SOX6: variants seen among roughly 807,000 people sequenced by gnomAD.
The protein encoded by SOX6 is transcription factor SOX-6.
Under a neutral mutation model 97.8 loss-of-function variants are expected in SOX6, and 11 were observed. The observed-to-expected ratio is 0.11, with a 90% CI of 0.07 to 0.19. The LOEUF is 0.19. SOX6 is among the 10% of genes least tolerant of loss of function. SOX6 has a pLI of 1.00. For missense variants in SOX6, 810 were observed against 1,039.5 expected, an observed-to-expected ratio of 0.78 and a Z score of 3.04; for synonymous variants, 360 against 371.4, an observed-to-expected ratio of 0.97 and a Z score of 0.35.
intron 3 of SOX6, among the ~76,000 whole-genome samples, chr11:16,246,299 GAAATTAAATGTCATATATTTGCCTCCAGA>G (rs2134192502): frequency 6.6e-6 from 1 of 151,358 alleles, no homozygotes; most frequent in African/African-American, 2.4e-5. Flanking sequence ...TTAATCATTA[GAAATTAAATGTCATATATTTGCCTCCAGA>G]GTAACCATTT....
intron 1 of SOX6, among the ~76,000 whole-genome samples, chr11:16,418,328 G>T (rs867720615): frequency 6.6e-6 from 1 of 152,072 alleles, no homozygotes; most frequent in African/African-American, 2.4e-5. Flanking sequence ...ACTATAAAAA[G>T]GAAAACAGCC....
intron 1 of SOX6, chr11:16,476,289 AAAAGT>A (rs1860246463): frequency 6.6e-6 from 1 of 152,526 alleles, no homozygotes; most frequent in Non-Finnish European, 1.5e-5. Flanking sequence ...ACACAATGAG[AAAAGT>A]AAAGATAAAC....
chr11:16,213,814 T>A (rs1359077625), intron 4 of SOX6, among the ~76,000 whole-genome samples: 1 of 152,178 alleles, frequency 6.6e-6, no homozygotes, highest in African/African-American at 2.4e-5. Context: ...ACTAACTTCA[T>A]TTAATAGAAT....
At chr11:16,257,603 T>C (rs1417834340) in intron 3 of SOX6, among the ~76,000 whole-genome samples, 1 of 151,860 alleles carries the variant, frequency 6.6e-6, no homozygotes. Flanking sequence ...CTAAAAAATT[T>C]CTAGAGATAA....
intron 13 of SOX6, among the ~76,000 whole-genome samples, chr11:15,992,729 A>G (rs1313216072): frequency 1.3e-5 from 2 of 152,174 alleles, no homozygotes; most frequent in African/African-American, 4.8e-5. Flanking sequence ...TGCCCCACAA[A>G]TACATATTGA....
intron 1 of SOX6, among the ~76,000 whole-genome samples, chr11:16,443,483 G>A (rs1322594260): frequency 6.6e-6 from 1 of 152,088 alleles, no homozygotes; most frequent in Non-Finnish European, 1.5e-5. Flanking sequence ...CACAGTGCTA[G>A]GTCCTTGACA....
intron 1 of SOX6, among the ~76,000 whole-genome samples, chr11:16,367,849 G>C (rs1857397333): frequency 6.6e-6 from 1 of 152,084 alleles, no homozygotes; most frequent in African/African-American, 2.4e-5. Context: ...CATTATAAAA[G>C]TAACTTTCCT....
intron 6 of SOX6, among the ~76,000 whole-genome samples, chr11:16,131,190 T>C (rs1306567066): frequency 6.6e-6 from 1 of 150,940 alleles, no homozygotes; most frequent in Non-Finnish European, 1.5e-5. Flanking sequence ...AGAAAATATC[T>C]GCCAAAAAGA....
At chr11:16,668,236 G>A (rs975118916) in intron 3 of SOX6, among the ~76,000 whole-genome samples, 3 of 151,756 alleles carry the variant, frequency 2.0e-5, no homozygotes, top group Non-Finnish European at 4.4e-5. Flanking sequence ...TAGCCAGCAT[G>A]GGGGTGCATG....
In SOX6 at chr11:16,726,146, C is replaced by T. The variant is rs896262715; in HGVS notation, n.353+10193G>A. Reference sequence around the variant, plus strand: ...AGTGATGGCTGGGCATGGTGGTTCACGCCTATAATCCCAGTACTTTGGGAG... The same window carrying T: ...AGTGATGGCTGGGCATGGTGGTTCATGCCTATAATCCCAGTACTTTGGGAG... On this transcript the variant is annotated intron_variant and non_coding_transcript_variant, in intron 2 of 5. Coordinates refer to the SOX6 transcript ENST00000524520. Among the ~76,000 whole-genome samples the T allele has an allele frequency of 3.9e-5, 6 of 152,088 alleles. 1 individual carries two copies. The highest frequency in any genetic ancestry group is 1.4e-4 in the African/African-American group (6 of 41,438).
chr11:16,721,068 C>G (rs556588071), intron 2 of SOX6, among the ~76,000 whole-genome samples: 1 of 152,094 alleles, frequency 6.6e-6, no homozygotes. Flanking sequence ...AGGTGAAGGA[C>G]GCGAATGGGC....
intron 12 of SOX6, among the ~76,000 whole-genome samples, chr11:16,039,953 T>C (rs1168930566): frequency 1.3e-5 from 2 of 151,912 alleles, no homozygotes; most frequent in Non-Finnish European, 2.9e-5. Context: ...CTAGAAGAGA[T>C]TAGATCTAGA....
chr11:16,668,855 T>C (rs886660555), intron 3 of SOX6, among the ~76,000 whole-genome samples: 4 of 152,198 alleles, frequency 2.6e-5, no homozygotes, highest in East Asian at 1.9e-4. Context: ...ATTATAAATA[T>C]ATATGCACCA....
intron 3 of SOX6, among the ~76,000 whole-genome samples, chr11:16,698,603 A>G (rs1402757819): frequency 1.3e-5 from 2 of 152,224 alleles, no homozygotes; most frequent in African/African-American, 4.8e-5. Context: ...CTAGCTTTCA[A>G]CATGGCTTCT....
chr11:16,601,755 A>G (rs1286089136), intron 4 of SOX6, among the ~76,000 whole-genome samples: 1 of 152,164 alleles, frequency 6.6e-6, no homozygotes, highest in Non-Finnish European at 1.5e-5. Context: ...CAATTTCATC[A>G]GTGACCAATA....
intron 3 of SOX6, chr11:16,269,850 C>T (rs1049144468): frequency 1.3e-5 from 2 of 151,234 alleles, no homozygotes; most frequent in Non-Finnish European, 3.0e-5. Flanking sequence ...CCTAGGTATG[C>T]TATCACATCA....
intron 7 of SOX6, among the ~76,000 whole-genome samples, chr11:16,104,474 C>G (rs1849025202): frequency 6.7e-6 from 1 of 148,396 alleles, no homozygotes; most frequent in African/African-American, 2.6e-5. Context: ...ATGTGGAACT[C>G]TTGGAAAAGT....
At chr11:16,104,492 T>C (rs12290994) in intron 7 of SOX6, among the ~76,000 whole-genome samples, 3 of 151,998 alleles carry the variant, frequency 2.0e-5, no homozygotes, top group Admixed American at 6.6e-5. Context: ...AGTTAACTTT[T>C]TTGAGTATCA....
intron 4 of SOX6, among the ~76,000 whole-genome samples, chr11:16,495,899 C>A (rs542897151): frequency 4.1e-4 from 63 of 152,306 alleles, no homozygotes; most frequent in African/African-American, 1.5e-3. Flanking sequence ...GTGTCCCTGT[C>A]TCCAACAAAA....
Sources: gnomAD v4.1 joint callset for allele counts (sites outside exome capture counted in the v4.1 genomes callset) on GRCh38, gnomAD v4.1.1 for gene constraint, MANE v1.5 for transcripts, NCBI Gene and HGNC (gene_info 2026-07-23, HGNC 2026-07-21) for gene names.